Variants in CPED1 observed in about 807,000 individuals in gnomAD.
The protein encoded by CPED1 is cadherin like and PC-esterase domain containing 1, also known as cadherin-like and PC-esterase domain-containing protein 1.
In CPED1, 114 loss-of-function variants were observed where a neutral mutation model predicts 128.2. The ratio of observed to expected loss-of-function variants is 0.89; its 90% CI spans 0.76 to 1.04. CPED1 has a LOEUF of 1.04. CPED1 is among the 50% of genes least tolerant of loss of function. The pLI is 0.00. For missense variants in CPED1, 1,211 were observed against 1,207.1 expected (o/e 1.00, Z -0.05); for synonymous variants, 462 against 426.7 (o/e 1.08, Z -1.02).
At chr7:121,059,454 G>C (rs1314393062) in intron 4 of CPED1, among the ~76,000 whole-genome samples, 2 of 152,130 alleles carry the variant, frequency 1.3e-5, no homozygotes, top group African/African-American at 2.4e-5. Flanking sequence ...GTAAAAGCAT[G>C]AACATTTCTA....
At chr7:121,091,506 A>G (rs1306544703) in intron 5 of CPED1, among the ~76,000 whole-genome samples, 1 of 152,196 alleles carries the variant, frequency 6.6e-6, no homozygotes, top group Non-Finnish European at 1.5e-5. Flanking sequence ...CTCAAAAGGA[A>G]TAACATTGTA....
intron 14 of CPED1, among the ~76,000 whole-genome samples, chr7:121,136,759 C>T (rs958388940): frequency 2.6e-5 from 4 of 152,044 alleles, no homozygotes; most frequent in East Asian, 3.9e-4. Context: ...GAATTTAGGC[C>T]GGGCACAGTG....
At chr7:121,125,341 G>A in intron 8 of CPED1, among the ~76,000 whole-genome samples, 1 of 152,096 alleles carries the variant, frequency 6.6e-6, no homozygotes, top group East Asian at 1.9e-4. Context: ...TGTGCAGAAT[G>A]TACAGGTTTG....
At chr7:121,015,957 A>G in intron 3 of CPED1, 109 bp downstream of exon 3, 1 of 739,668 alleles carries the variant, frequency 1.4e-6, no homozygotes, top group African/African-American at 1.8e-5. Context: ...ACAAATATTT[A>G]TCCATGACCA....
In CPED1 at chr7:121,296,222, T is replaced by A. The variant is rs1433925936; in HGVS notation, c.*570T>A. The A allele has an allele frequency of 6.6e-6, 1 of 152,474 alleles. No individual in the cohort carries two copies. The highest frequency in any genetic ancestry group is 1.5e-5 in the Non-Finnish European group (1 of 68,040). 9.4% of individuals were successfully genotyped at this position (152,474 alleles called of 1,614,324 possible). A position where few individuals can be genotyped will look rare whatever the true frequency, so the allele number is the denominator to read the frequency against. On this transcript the variant is annotated 3_prime_UTR_variant, in exon 23 of 23. Transcript: ENST00000310396. ...ATTACTGAAAGGAAAAGAACAGGAA[T>A]GTTCCACAAGGGAATTTGAAGAGAT...
chr7:121,096,357 G>A lies in CPED1; in HGVS notation c.617-1342G>A, dbSNP rs371176905. ...TAGTATTGATGAAATGTGCACAAAGGGGAAAAATAATTTAAAGGCTTTGTT... is the reference window on the plus strand; with the variant it reads ...TAGTATTGATGAAATGTGCACAAAGAGGAAAAATAATTTAAAGGCTTTGTT... On this transcript the variant is annotated intron_variant, in intron 5 of 22. Transcript: ENST00000310396. 5.3e-5 allele frequency among the ~76,000 whole-genome samples: 8 copies of A among 152,106 alleles called. No homozygotes were observed. The East Asian group carries it at 1.2e-3, about 22-fold the overall frequency.
At chr7:121,295,335 G>T (rs1206340887) in intron 22 of CPED1, 105 bp from the exon 23 acceptor site, 2 of 1,356,150 alleles carry the variant, frequency 1.5e-6, no homozygotes, top group East Asian at 5.1e-5. Flanking sequence ...TGCCCTTTTA[G>T]CAACATCTGT....
chr7:121,037,352 C>T (rs1457209519), intron 3 of CPED1, among the ~76,000 whole-genome samples: 1 of 152,160 alleles, frequency 6.6e-6, no homozygotes, highest in African/African-American at 2.4e-5. Context: ...CATTCTTCTA[C>T]ATATGGCTTT....
At chr7:121,066,121 T>G (rs1793825481) in intron 5 of CPED1, among the ~76,000 whole-genome samples, 1 of 152,120 alleles carries the variant, frequency 6.6e-6, no homozygotes, top group African/African-American at 2.4e-5. Flanking sequence ...TGTCAGCACC[T>G]AAATATAGGG....
At chr7:121,048,790 C>T (rs756803301) in intron 4 of CPED1, among the ~76,000 whole-genome samples, 4 of 152,178 alleles carry the variant, frequency 2.6e-5, no homozygotes, top group African/African-American at 7.2e-5. Flanking sequence ...CTACCTGCCT[C>T]GGCCTCCCAA....
intron 16 of CPED1, among the ~76,000 whole-genome samples, chr7:121,190,322 G>A (rs1023566899): frequency 4.0e-5 from 6 of 151,174 alleles, no homozygotes; most frequent in African/African-American, 7.3e-5. Flanking sequence ...TGAGTAGAGC[G>A]GGGAGGTTGC....
At chr7:121,009,237 G>C (rs1054313124) in intron 2 of CPED1, among the ~76,000 whole-genome samples, 3 of 152,050 alleles carry the variant, frequency 2.0e-5, no homozygotes, top group African/African-American at 7.2e-5. Context: ...TAATATATTA[G>C]ATAGAGGGTG....
At chr7:121,154,447 ATT>A (rs1796233986) in intron 16 of CPED1, among the ~76,000 whole-genome samples, 1 of 151,952 alleles carries the variant, frequency 6.6e-6, no homozygotes, top group Admixed American at 6.6e-5. Context: ...CATGGCCTTT[ATT>A]TTTTTGAGGT....
chr7:121,094,502 C>T (rs1377384286), intron 5 of CPED1, among the ~76,000 whole-genome samples: 1 of 152,106 alleles, frequency 6.6e-6, no homozygotes, highest in Non-Finnish European at 1.5e-5. Flanking sequence ...TGTTCTCTAA[C>T]CATAGATTGG....
intron 5 of CPED1, among the ~76,000 whole-genome samples, chr7:121,087,666 TG>T (rs200943705): frequency 0.14 from 958 of 6,980 alleles, 61 homozygotes; most frequent in African/African-American, 0.19. Flanking sequence ...TTTTCTTTCC[TG>T]TTTTTTTTTT....
chr7:121,168,756 T>G (rs1796589465), intron 16 of CPED1, among the ~76,000 whole-genome samples: 1 of 152,214 alleles, frequency 6.6e-6, no homozygotes, highest in Non-Finnish European at 1.5e-5. Flanking sequence ...CAGCCTTTGG[T>G]AACCAACCTT....
intron 17 of CPED1, among the ~76,000 whole-genome samples, chr7:121,237,799 A>G (rs981877228): frequency 6.6e-6 from 1 of 152,168 alleles, no homozygotes; most frequent in African/African-American, 2.4e-5. Flanking sequence ...CCAAATGGGC[A>G]GGACAAATTG....
chr7:121,066,594 C>T (rs1322280747), intron 5 of CPED1, among the ~76,000 whole-genome samples: 3 of 91,412 alleles, frequency 3.3e-5, no homozygotes, highest in Admixed American at 1.4e-4. Context: ...ATCTTTCGGT[C>T]AAAAACTGTG....
At chr7:121,141,715 G>T (rs1481655850) in intron 15 of CPED1, among the ~76,000 whole-genome samples, 1 of 152,010 alleles carries the variant, frequency 6.6e-6, no homozygotes, top group African/African-American at 2.4e-5. Flanking sequence ...GACCCTGGCA[G>T]GTGGTTAATA....
Sources: gnomAD v4.1 joint callset for allele counts (sites outside exome capture counted in the v4.1 genomes callset) on GRCh38, gnomAD v4.1.1 for gene constraint, MANE v1.5 for transcripts, NCBI Gene and HGNC (gene_info 2026-07-23, HGNC 2026-07-21) for gene names.